The following BACH2 variants were observed in gnomAD, a reference collection of about 807,000 sequenced individuals.
The protein encoded by BACH2 is BACH transcriptional regulator 2, also known as transcription regulator protein BACH2.
In BACH2, 5 loss-of-function variants were observed where a neutral mutation model predicts 61.8. The observed-to-expected ratio is 0.08, with a 90% CI of 0.04 to 0.17. The LOEUF (loss-of-function observed/expected upper bound fraction) is 0.17, where lower values mean the gene tolerates loss of function less well. Among genes scored for constraint, BACH2 ranks in the 10% least tolerant of loss-of-function variants. The probability of loss-of-function intolerance (pLI) is 1.00; values close to 1 mark genes in which losing one functional copy is unlikely to be tolerated. For missense variants in BACH2, 824 were observed against 1,091.1 expected, an observed-to-expected ratio of 0.76 and a Z score of 3.45; for synonymous variants, 446 against 440.1, an observed-to-expected ratio of 1.01 and a Z score of -0.17.
At chr6:90,271,415 A>T (rs563958528) in intron 2 of BACH2, among the ~76,000 whole-genome samples, 2 of 151,436 alleles carry the variant, frequency 1.3e-5, no homozygotes, top group South Asian at 4.1e-4. Context: ...AAGAAAAAAA[A>T]AGAAAAGAAA....
intron 7 of BACH2, among the ~76,000 whole-genome samples, chr6:89,940,200 C>A (rs934816735): frequency 3.3e-5 from 5 of 151,584 alleles, no homozygotes; most frequent in African/African-American, 1.2e-4. Context: ...AGTAGAGATG[C>A]GGTTTTGCCA....
chr6:89,990,201 A>C (rs572528409), intron 6 of BACH2, among the ~76,000 whole-genome samples: 21 of 152,338 alleles, frequency 1.4e-4, no homozygotes, highest in Non-Finnish European at 2.8e-4. Flanking sequence ...GTGGGGAGCT[A>C]TACCCTTAGA....
chr6:89,949,674 A>G (rs1773954792), intron 7 of BACH2, among the ~76,000 whole-genome samples: 1 of 152,122 alleles, frequency 6.6e-6, no homozygotes, highest in Non-Finnish European at 1.5e-5. Flanking sequence ...TCCATTATAC[A>G]TTATGTGTGG....
chr6:90,229,243 G>C (rs1770014485), intron 3 of BACH2, among the ~76,000 whole-genome samples: 1 of 152,218 alleles, frequency 6.6e-6, no homozygotes, highest in East Asian at 1.9e-4. Context: ...CGGATGACCT[G>C]AGGTCGGGAG....
At position 89,929,172 on chromosome 6, in the gene BACH2, C is replaced by G. The variant is rs1023032498; in HGVS notation, c.*3236G>C. The G allele has an allele frequency of 1.3e-5, 2 of 152,354 alleles. No homozygotes were observed. The highest frequency in any genetic ancestry group is 4.8e-5 in the African/African-American group (2 of 41,430). 9.4% of individuals were successfully genotyped at this position (152,354 alleles called of 1,614,324 possible). A position where few individuals can be genotyped will look rare whatever the true frequency, so the allele number is the denominator to read the frequency against. ...ATTTGGAGACCCAAGCAGGCATCCT[C>G]CTAAACAGCCCGTGGTTGGAGGGTC... On this transcript the variant is annotated 3_prime_UTR_variant, in exon 9 of 9. Transcript: ENST00000257749.
chr6:90,053,738 A>G (rs1368030764), intron 5 of BACH2, among the ~76,000 whole-genome samples: 5 of 152,142 alleles, frequency 3.3e-5, no homozygotes, highest in Admixed American at 3.3e-4. Context: ...GAACTTTGAA[A>G]ATATTTCATC....
At chr6:90,116,146 CCATTAATAGGATTATAGAG>C (rs1783387715) in intron 4 of BACH2, among the ~76,000 whole-genome samples, 1 of 151,980 alleles carries the variant, frequency 6.6e-6, no homozygotes, top group Admixed American at 6.6e-5. Flanking sequence ...TCCAGCAATC[CCATTAATAGGATTATAGAG>C]CATTCTCCCA....
chr6:90,258,660 G>A (rs1013067732), intron 2 of BACH2, among the ~76,000 whole-genome samples: 1 of 152,082 alleles, frequency 6.6e-6, no homozygotes, highest in Admixed American at 6.5e-5. Context: ...TGGGTACTAT[G>A]GACATTTCAA....
intron 3 of BACH2, among the ~76,000 whole-genome samples, chr6:90,215,037 G>T (rs984001534): frequency 1.3e-5 from 2 of 152,108 alleles, no homozygotes; most frequent in African/African-American, 2.4e-5. Flanking sequence ...TTACAGGCAT[G>T]AGCCACTGTA....
At chr6:90,012,177 T>C (rs372240686) in intron 5 of BACH2, among the ~76,000 whole-genome samples, 14 of 152,252 alleles carry the variant, frequency 9.2e-5, no homozygotes, top group African/African-American at 3.1e-4. Flanking sequence ...CATTTCCATA[T>C]ACATTTTATA....
intron 3 of BACH2, among the ~76,000 whole-genome samples, chr6:90,220,164 A>G (rs970592549): frequency 2.0e-5 from 3 of 152,190 alleles, no homozygotes; most frequent in Non-Finnish European, 4.4e-5. Flanking sequence ...CAAAGTATTT[A>G]CCCCAGAGTT....
At chr6:90,026,395 A>G (rs1440166027) in intron 5 of BACH2, among the ~76,000 whole-genome samples, 3 of 152,228 alleles carry the variant, frequency 2.0e-5, no homozygotes, top group Non-Finnish European at 4.4e-5. Context: ...CCACCAGGTC[A>G]GTGACAATGC....
In BACH2 at chr6:89,950,209, G is replaced by A. The variant is rs1034145194; in HGVS notation, c.1836+61C>T. Reference sequence around the variant, plus strand: ...ATGTGGGAGTGGTGGGGGGCAGGGAGTAGTCCAGATAAAGGGCCTAGAGAG... The same window carrying A: ...ATGTGGGAGTGGTGGGGGGCAGGGAATAGTCCAGATAAAGGGCCTAGAGAG... On this transcript the variant is annotated intron_variant, in intron 7 of 8. Coordinates refer to ENST00000257749, the MANE Select transcript of BACH2 (RefSeq NM_021813.4). This position sits in a 1 kb window ranked among gnomAD's most constrained non-coding sequence, Gnocchi z 5.3. 6 of 1,572,184 alleles carry A rather than the reference G, an allele frequency of 3.8e-6. No individual in the cohort carries two copies. Among genetic ancestry groups the A allele is most frequent in the Non-Finnish European group, 5.3e-6 (6 of 1,142,344 alleles).
chr6:90,117,127 C>T, intron 4 of BACH2: 1 of 231,482 alleles, frequency 4.3e-6, no homozygotes, highest in Non-Finnish European at 8.8e-6. Context: ...ATGCGCCCAG[C>T]ACTCTCAATA....
At chr6:89,956,404 A>G (rs1250083695) in intron 6 of BACH2, among the ~76,000 whole-genome samples, 4 of 152,192 alleles carry the variant, frequency 2.6e-5, no homozygotes, top group Admixed American at 2.6e-4. Context: ...TTCAACCCTG[A>G]AAGAAATAAG....
chr6:90,169,197 T>C (rs1767729669), intron 4 of BACH2, among the ~76,000 whole-genome samples: 1 of 152,168 alleles, frequency 6.6e-6, no homozygotes, highest in African/African-American at 2.4e-5. Flanking sequence ...TTCTGAACTT[T>C]TTCCCAATAA....
chr6:89,942,090 C>T (rs987039038), intron 7 of BACH2, among the ~76,000 whole-genome samples: 1 of 152,096 alleles, frequency 6.6e-6, no homozygotes, highest in African/African-American at 2.4e-5. Flanking sequence ...AAAACCCCAA[C>T]TCACTCTTGT....
intron 5 of BACH2, among the ~76,000 whole-genome samples, chr6:90,031,528 G>A (rs573304293): frequency 3.3e-5 from 5 of 152,088 alleles, no homozygotes; most frequent in Non-Finnish European, 5.9e-5. Flanking sequence ...AAATCAATGT[G>A]CAAAAATCAT....
At chr6:89,962,748 C>T (rs1774820557) in intron 6 of BACH2, among the ~76,000 whole-genome samples, 1 of 152,084 alleles carries the variant, frequency 6.6e-6, no homozygotes, top group Non-Finnish European at 1.5e-5. Context: ...ATGTCTTGAA[C>T]CCAAAATTAT....
Sources: gnomAD v4.1 joint callset for allele counts (sites outside exome capture counted in the v4.1 genomes callset) on GRCh38, gnomAD v4.1.1 for gene constraint, Gnocchi (gnomAD v3.1) non-coding constraint, MANE v1.5 for transcripts, NCBI Gene and HGNC (gene_info 2026-07-23, HGNC 2026-07-21) for gene names.